Variants in PCLO observed in about 807,000 individuals in gnomAD.
The protein encoded by PCLO is protein piccolo.
PCLO carries 82 observed loss-of-function variants against 427.5 expected under a neutral mutation model. The observed-to-expected ratio is 0.19, with a 90% CI of 0.16 to 0.23. The LOEUF (loss-of-function observed/expected upper bound fraction) is 0.23. Ranked by LOEUF, PCLO falls within the 10% of genes least tolerant of loss-of-function variation. PCLO has a pLI of 1.00. For synonymous variants in PCLO, 2,357 were observed against 2,155.4 expected, an observed-to-expected ratio of 1.09 and a Z score of -2.59; for missense variants, 6,239 against 6,115.9, an observed-to-expected ratio of 1.02 and a Z score of -0.67.
intron 10 of PCLO, among the ~76,000 whole-genome samples, chr7:82,869,020 T>C (rs1793164808): frequency 6.6e-6 from 1 of 152,122 alleles, no homozygotes; most frequent in East Asian, 1.9e-4. Flanking sequence ...ATCACGATGG[T>C]AATGTATTTC....
chr7:82,902,770 A>G (rs1195149634), intron 8 of PCLO, 29 bp from the exon 9 acceptor site: 12 of 1,202,032 alleles, frequency 1.0e-5, no homozygotes, highest in Non-Finnish European at 1.5e-5. Flanking sequence ...AAGGTAAAAA[A>G]CCAGCATTAA....
chr7:82,816,074 G>T (rs1275574293), intron 20 of PCLO, among the ~76,000 whole-genome samples: 2 of 151,926 alleles, frequency 1.3e-5, no homozygotes, highest in Non-Finnish European at 2.9e-5. Context: ...AAATGGAAAA[G>T]AATATTTTCA....
At chr7:83,091,845 T>C (rs965273442) in intron 3 of PCLO, among the ~76,000 whole-genome samples, 4 of 152,194 alleles carry the variant, frequency 2.6e-5, no homozygotes, top group African/African-American at 9.7e-5. Context: ...ATTTGCCATA[T>C]GAAACAAATG....
In PCLO at chr7:83,134,696, G is replaced by C. The variant is rs755328825; in HGVS notation, c.2854C>G (p.Pro952Ala). The C allele has an allele frequency of 6.2e-7, 1 of 1,613,784 alleles. No homozygotes were observed. ...ASNLISTAGQPGPHSQSGPGA... is the reference protein window; with the variant it reads ...ASNLISTAGQAGPHSQSGPGA... ...GGTCCACTTTGTGAATGAGGTCCAG[G>C]TTGGCCTGCAGTGGAAATTAAATTT... The change falls in exon 3 of 25, where the codon CCT (proline) becomes GCT (alanine). Residue 952 changes from proline (P) to alanine (A), a missense_variant. Around this residue, in one of 5 missense-constraint regions of PCLO, gnomAD observed 4,677 missense variants for 4,468.4 expected, o/e 1.05. Coordinates refer to ENST00000333891, the MANE Select transcript of PCLO (RefSeq NM_033026.6).
chr7:83,159,817 A>C (rs2116705183), intron 1 of PCLO, among the ~76,000 whole-genome samples: 1 of 152,054 alleles, frequency 6.6e-6, no homozygotes, highest in Admixed American at 6.5e-5. Flanking sequence ...TTATATAAAT[A>C]AATGAATATC....
At chr7:82,943,729 T>A (rs1584191497) in intron 6 of PCLO, among the ~76,000 whole-genome samples, 1 of 152,000 alleles carries the variant, frequency 6.6e-6, no homozygotes, top group East Asian at 1.9e-4. Context: ...GAGCTCTGGT[T>A]TATGGAATTG....
chr7:82,978,871 C>A (rs535489579), intron 3 of PCLO, among the ~76,000 whole-genome samples: 87 of 150,776 alleles, frequency 5.8e-4, no homozygotes, highest in Non-Finnish European at 1.0e-3. Flanking sequence ...CACACACACA[C>A]ACACACACAC....
chr7:83,154,258 T>C (rs1792209229), intron 2 of PCLO, among the ~76,000 whole-genome samples: 1 of 152,216 alleles, frequency 6.6e-6, no homozygotes, highest in Admixed American at 6.5e-5. Context: ...CCTCATTTGA[T>C]ATATCAGAAT....
At chr7:82,919,132 T>C (rs1055350473) in intron 6 of PCLO, among the ~76,000 whole-genome samples, 1 of 152,004 alleles carries the variant, frequency 6.6e-6, no homozygotes, top group Non-Finnish European at 1.5e-5. Context: ...ATACTTGTCA[T>C]ATGCTCTTAT....
At chr7:83,127,977 C>A (rs1329409736) in intron 3 of PCLO, among the ~76,000 whole-genome samples, 1 of 152,000 alleles carries the variant, frequency 6.6e-6, no homozygotes, top group Non-Finnish European at 1.5e-5. Flanking sequence ...AAAATAATCA[C>A]ACAAATATGC....
chr7:83,087,870 T>A (rs548094104), intron 3 of PCLO, among the ~76,000 whole-genome samples: 14 of 152,306 alleles, frequency 9.2e-5, no homozygotes, highest in African/African-American at 3.1e-4. Flanking sequence ...AATCATCTAA[T>A]GTCACCACAA....
chr7:82,915,944 A>T lies in PCLO; in HGVS notation c.12042T>A (p.Gly4014=). 2 of 1,612,998 alleles carry T rather than the reference A, an allele frequency of 1.2e-6. No homozygotes were observed. The stretch of plus-strand genomic sequence containing the variant: ...TTGCCATGCTACTTCTTTCCTCCAA[A>T]CCTATTCTCAAGTCTAAACTATTGT... ...SKYNSLDLRI[G]LEERSSMASS... Residue 4014 remains glycine, a synonymous_variant, in exon 7 of 25, where the codon GGT becomes GGA. Coordinates refer to ENST00000333891, the MANE Select transcript of PCLO (RefSeq NM_033026.6).
intron 9 of PCLO, among the ~76,000 whole-genome samples, chr7:82,898,276 T>C (rs1312122424): frequency 6.6e-6 from 1 of 151,466 alleles, no homozygotes; most frequent in Non-Finnish European, 1.5e-5. Context: ...AGTCTTGGCT[T>C]TGTGGACTCC....
chr7:82,854,545 C>G (rs1485579987), intron 10 of PCLO, among the ~76,000 whole-genome samples: 1 of 152,050 alleles, frequency 6.6e-6, no homozygotes, highest in African/African-American at 2.4e-5. Context: ...TATACATACA[C>G]AGGAGATTTG....
At chr7:82,763,968 A>G (rs1167658642) in intron 22 of PCLO, among the ~76,000 whole-genome samples, 2 of 152,066 alleles carry the variant, frequency 1.3e-5, no homozygotes, top group African/African-American at 2.4e-5. Flanking sequence ...AATATATAAG[A>G]TAAATTTCAT....
intron 3 of PCLO, among the ~76,000 whole-genome samples, chr7:83,121,495 T>C (rs1440507817): frequency 1.3e-5 from 2 of 151,950 alleles, no homozygotes; most frequent in African/African-American, 4.8e-5. Context: ...AGAAAACAAA[T>C]TTTAAAATAA....
At chr7:83,038,142 CAT>C (rs1788877600) in intron 3 of PCLO, among the ~76,000 whole-genome samples, 1 of 125,072 alleles carries the variant, frequency 8.0e-6, no homozygotes, top group South Asian at 2.3e-4. Flanking sequence ...TACACACACT[CAT>C]ATATACACAT....
intron 10 of PCLO, among the ~76,000 whole-genome samples, chr7:82,851,770 G>T (rs1344502992): frequency 1.3e-5 from 2 of 152,134 alleles, no homozygotes; most frequent in Non-Finnish European, 2.9e-5. Flanking sequence ...GCTAGCAGCA[G>T]CAGCAAAAGA....
intron 22 of PCLO, among the ~76,000 whole-genome samples, chr7:82,791,927 A>T (rs1260784160): frequency 6.6e-6 from 1 of 151,996 alleles, no homozygotes; most frequent in Non-Finnish European, 1.5e-5. Context: ...AAAATTCTGA[A>T]TTTTTTCTTC....
Sources: allele counts gnomAD v4.1 joint callset (sites outside exome capture counted in the v4.1 genomes callset), GRCh38; gene constraint gnomAD v4.1.1; regional missense constraint gnomAD v4.1.1; transcripts MANE v1.5; gene names NCBI Gene and HGNC (gene_info 2026-07-23, HGNC 2026-07-21).